Variants in TTC39B observed in about 807,000 individuals in gnomAD.
The protein encoded by TTC39B is tetratricopeptide repeat protein 39B.
Under a neutral mutation model 96.6 loss-of-function variants are expected in TTC39B, and 92 were observed. That is an observed-to-expected ratio of 0.95 (90% CI 0.80 to 1.13). TTC39B has a LOEUF of 1.13. TTC39B is among the 50% of genes most tolerant of loss of function. TTC39B has a pLI of 0.00. For synonymous variants in TTC39B, 367 were observed against 299.4 expected (o/e 1.23, Z -2.33); for missense variants, 955 against 809.3 (o/e 1.18, Z -2.18).
At chr9:15,293,649 T>C (rs924861429) in intron 1 of TTC39B, among the ~76,000 whole-genome samples, 1 of 152,222 alleles carries the variant, frequency 6.6e-6, no homozygotes, top group Non-Finnish European at 1.5e-5. Flanking sequence ...CTATGCACAC[T>C]AAAATATGAG....
At chr9:15,233,051 G>A (rs1212913044) in intron 2 of TTC39B, among the ~76,000 whole-genome samples, 2 of 151,840 alleles carry the variant, frequency 1.3e-5, no homozygotes, top group African/African-American at 4.8e-5. Context: ...TTTGCGATAG[G>A]ACAGCTGTAG....
At chr9:15,263,913 T>G (rs975685234) in intron 2 of TTC39B, among the ~76,000 whole-genome samples, 1 of 152,126 alleles carries the variant, frequency 6.6e-6, no homozygotes, top group Middle Eastern at 3.2e-3. Context: ...CGAGAAATAA[T>G]GCACACCAGA....
chr9:15,230,253 G>C (rs114894493), intron 2 of TTC39B, among the ~76,000 whole-genome samples: 1,991 of 152,230 alleles, frequency 0.013, 34 homozygotes, highest in African/African-American at 0.045. Context: ...CTAATTCACA[G>C]ACCATAAAAT....
intron 1 of TTC39B, among the ~76,000 whole-genome samples, chr9:15,297,101 A>G (rs2131613475): frequency 6.6e-6 from 1 of 152,288 alleles, no homozygotes. Context: ...CTCCTGCATT[A>G]ATCACTTAAA....
At chr9:15,297,289 T>A (rs977847301) in intron 1 of TTC39B, among the ~76,000 whole-genome samples, 6 of 152,326 alleles carry the variant, frequency 3.9e-5, no homozygotes, top group African/African-American at 1.4e-4. Flanking sequence ...AGAAGACACA[T>A]GTCAAAAACT....
At chr9:15,267,975 T>G (rs981844682) in intron 1 of TTC39B, 27 bp from the exon 2 acceptor site, 2 of 1,602,564 alleles carry the variant, frequency 1.2e-6, no homozygotes, top group African/African-American at 1.3e-5. Flanking sequence ...ATACAATGAG[T>G]TTCTCAAGAA....
chr9:15,251,730 TA>T (rs1563764597), intron 2 of TTC39B, among the ~76,000 whole-genome samples: 56 of 129,034 alleles, frequency 4.3e-4, no homozygotes, highest in African/African-American at 1.8e-3. Context: ...TATATATATA[TA>T]TATATGTAGT....
chr9:15,283,878 T>A (rs1268727978), intron 1 of TTC39B, among the ~76,000 whole-genome samples: 3 of 152,096 alleles, frequency 2.0e-5, no homozygotes, highest in Non-Finnish European at 4.4e-5. Flanking sequence ...ATAAAAATTT[T>A]AAAAAATGGG....
At chr9:15,245,935 G>A (rs1822253208) in intron 2 of TTC39B, among the ~76,000 whole-genome samples, 1 of 152,112 alleles carries the variant, frequency 6.6e-6, no homozygotes, top group African/African-American at 2.4e-5. Flanking sequence ...GGGTAGAATG[G>A]CACTGTTAAG....
At chr9:15,193,512 A>G (rs1336183812) in intron 8 of TTC39B, among the ~76,000 whole-genome samples, 1 of 152,236 alleles carries the variant, frequency 6.6e-6, no homozygotes, top group Non-Finnish European at 1.5e-5. Context: ...TTTAATCTGA[A>G]TCTAGCAAGC....
exon 20 of TTC39B, chr9:15,166,240 G>A (rs1023439307): frequency 3.3e-5 from 5 of 152,180 alleles, no homozygotes; most frequent in African/African-American, 1.2e-4. Context: ...TATCCAATCT[G>A]TAGGCATTCT....
chr9:15,204,088 G>A (rs1819702801), intron 6 of TTC39B, among the ~76,000 whole-genome samples, 198 bp from the exon 7 acceptor site: 1 of 152,164 alleles, frequency 6.6e-6, no homozygotes, highest in African/African-American at 2.4e-5. Flanking sequence ...TGTGTGAAGT[G>A]TTCAGGGAAG....
intron 1 of TTC39B, among the ~76,000 whole-genome samples, chr9:15,297,525 G>C (rs1374501864): frequency 6.6e-6 from 1 of 152,056 alleles, no homozygotes; most frequent in Non-Finnish European, 1.5e-5. Context: ...CAGGACACTT[G>C]AACCCTCTCT....
intron 8 of TTC39B, among the ~76,000 whole-genome samples, chr9:15,194,807 G>A (rs957537246): frequency 6.6e-6 from 1 of 152,104 alleles, no homozygotes; most frequent in Non-Finnish European, 1.5e-5. Context: ...ACCCATATAA[G>A]AGCGAAAGTT....
chr9:15,222,251 G>A (rs569662452), intron 3 of TTC39B, among the ~76,000 whole-genome samples: 1 of 152,270 alleles, frequency 6.6e-6, no homozygotes, highest in South Asian at 2.1e-4. Context: ...ATAACAGCTG[G>A]GAAATCTGTC....
In TTC39B at chr9:15,307,214, A is replaced by T. The variant is rs1470722299; in HGVS notation, c.110T>A (p.Leu37His). The T allele has an allele frequency of 3.2e-6, 5 of 1,557,780 alleles. No individual in the cohort carries two copies. In the South Asian group the frequency reaches 4.7e-5, roughly 15 times the overall value. ...CGGCTCTGGGCTCAGCCCAGCGCAA[A>T]GGAGGGCAAAAGGGGACGGCCCGGC... The change falls in exon 1 of 20, where the codon CTT (leucine) becomes CAT (histidine). Residue 37 changes from leucine (L) to histidine (H), a missense_variant. Leu to His is a moderately conservative substitution (Grantham distance 99). Transcript: ENST00000512701.
intron 3 of TTC39B, among the ~76,000 whole-genome samples, chr9:15,221,969 T>G (rs143813681): frequency 2.6e-5 from 4 of 152,228 alleles, no homozygotes; most frequent in Admixed American, 2.6e-4. Flanking sequence ...CACTGGTAAC[T>G]ACTCTGGTTA....
exon 20 of TTC39B, chr9:15,167,317 G>C (rs1588823643): frequency 6.9e-6 from 1 of 144,018 alleles, no homozygotes; most frequent in Admixed American, 7.3e-5. Flanking sequence ...CAAAGTTTTA[G>C]GATTACAGGC....
intron 2 of TTC39B, among the ~76,000 whole-genome samples, chr9:15,229,850 T>C (rs543002741): frequency 6.6e-6 from 1 of 152,306 alleles, no homozygotes; most frequent in Admixed American, 6.5e-5. Flanking sequence ...TTTTGTGGGG[T>C]TGTTATTATT....
Sources: gnomAD v4.1 joint callset for allele counts (sites outside exome capture counted in the v4.1 genomes callset) on GRCh38, gnomAD v4.1.1 for gene constraint, MANE v1.5 for transcripts, NCBI Gene and HGNC (gene_info 2026-07-23, HGNC 2026-07-21) for gene names.